The following RP1 variants were observed in gnomAD, a reference collection of about 807,000 sequenced individuals.
RP1 encodes the protein RP1 axonemal microtubule associated.
A neutral mutation model predicts 14.8 loss-of-function variants in RP1; 16 were observed. The ratio of observed to expected loss-of-function variants is 1.08; its 90% CI spans 0.73 to 1.65. The LOEUF is 1.65. RP1 is among the 40% of genes most tolerant of loss of function. The probability of loss-of-function intolerance (pLI) is 0.00; values close to 1 mark genes in which losing one functional copy is unlikely to be tolerated. For missense variants in RP1, 2,631 were observed against 2,535.0 expected, an observed-to-expected ratio of 1.04 and a Z score of -0.81; for synonymous variants, 876 against 883.6, an observed-to-expected ratio of 0.99 and a Z score of 0.15.
intron 1 of RP1, among the ~76,000 whole-genome samples, chr8:54,564,412 T>C (rs1322246721): frequency 2.0e-5 from 3 of 152,148 alleles, no homozygotes; most frequent in African/African-American, 7.2e-5. Flanking sequence ...CTCTGTAAAA[T>C]GAAGTTTCCT....
rs189503776 is a variant in RP1, at chr8:54,762,635, T to G, written c.3248+3559T>G. Among the ~76,000 whole-genome samples, 316 of 152,292 alleles carry G rather than the reference T, an allele frequency of 2.1e-3. 1 individual carries two copies. The highest frequency in any genetic ancestry group is 7.1e-3 in the African/African-American group (294 of 41,560). ...TATGAATTAATGCAAATATTTTCAT[T>G]TAGTATTTATATTAGCTTCCTGTGG... On this transcript the variant is annotated intron_variant, in intron 22 of 22. Coordinates refer to the RP1 transcript ENST00000636932.
At chr8:54,607,150 C>T (rs985786801) in intron 1 of RP1, among the ~76,000 whole-genome samples, 3 of 152,102 alleles carry the variant, frequency 2.0e-5, no homozygotes, top group Non-Finnish European at 2.9e-5. Flanking sequence ...TTTTTCTGCT[C>T]TGTTTTTTCC....
chr8:54,680,540 T>C (rs1222110976), intron 12 of RP1, among the ~76,000 whole-genome samples: 2 of 152,226 alleles, frequency 1.3e-5, no homozygotes, highest in Non-Finnish European at 2.9e-5. Context: ...TTTACTATGC[T>C]GGAAACCGTG....
chr8:54,806,071 T>A (rs781076684), intron 24 of RP1, among the ~76,000 whole-genome samples: 23 of 152,088 alleles, frequency 1.5e-4, no homozygotes, highest in Non-Finnish European at 3.2e-4. Context: ...CAGGCTGGAG[T>A]GCAGTGGTGC....
At chr8:54,734,524 T>C (rs950025199) in intron 17 of RP1, 1 of 1,525,466 alleles carries the variant, frequency 6.6e-7, no homozygotes, top group African/African-American at 1.4e-5. Flanking sequence ...GATCTGCCAC[T>C]AATGCTTTTT....
intron 22 of RP1, among the ~76,000 whole-genome samples, chr8:54,768,559 T>C (rs1042127300): frequency 1.3e-5 from 2 of 152,194 alleles, no homozygotes; most frequent in Non-Finnish European, 2.9e-5. Flanking sequence ...GTGTGTGGGA[T>C]AGCAATAACC....
chr8:54,721,704 T>G (rs1271485764), intron 16 of RP1, among the ~76,000 whole-genome samples: 1 of 152,182 alleles, frequency 6.6e-6, no homozygotes, highest in African/African-American at 2.4e-5. Flanking sequence ...TATGTTTTCT[T>G]CTCTATTTAC....
At chr8:54,724,587 T>A (rs537955863) in intron 16 of RP1, among the ~76,000 whole-genome samples, 11 of 152,230 alleles carry the variant, frequency 7.2e-5, no homozygotes, top group South Asian at 4.1e-4. Flanking sequence ...CTTTTTTTTT[T>A]AAATTGTAAA....
At chr8:54,853,327 G>T (rs1215928924) in intron 26 of RP1, among the ~76,000 whole-genome samples, 1 of 152,138 alleles carries the variant, frequency 6.6e-6, no homozygotes, top group Admixed American at 6.5e-5. Context: ...AGTGATCCCA[G>T]GAAGCAGCAG....
chr8:54,712,608 C>A (rs923743238), intron 15 of RP1, among the ~76,000 whole-genome samples: 7 of 152,196 alleles, frequency 4.6e-5, no homozygotes, highest in African/African-American at 1.7e-4. Context: ...AACCTTTACT[C>A]TGGTACTTTT....
chr8:54,673,584 A>G (rs1368007189), intron 7 of RP1, among the ~76,000 whole-genome samples: 2 of 152,100 alleles, frequency 1.3e-5, no homozygotes, highest in Non-Finnish European at 2.9e-5. Flanking sequence ...TACAAAAAAC[A>G]CAAAAATTAT....
chr8:54,574,480 A>G (rs568277646), intron 1 of RP1, among the ~76,000 whole-genome samples: 95 of 152,206 alleles, frequency 6.2e-4, no homozygotes, highest in African/African-American at 1.9e-3. Context: ...GGGAGATGGC[A>G]TTCCGAGCAG....
intron 1 of RP1, among the ~76,000 whole-genome samples, chr8:54,583,194 G>C (rs1215190065): frequency 6.6e-6 from 1 of 152,144 alleles, no homozygotes; most frequent in African/African-American, 2.4e-5. Flanking sequence ...AATTTATTGA[G>C]AGTTTTTAGC....
intron 27 of RP1, among the ~76,000 whole-genome samples, chr8:54,863,478 T>C (rs1812396119): frequency 6.6e-6 from 1 of 152,218 alleles, no homozygotes; most frequent in Non-Finnish European, 1.5e-5. Context: ...CACATACATA[T>C]ATTTTAAGTC....
At chr8:54,674,572 T>C (rs1807252798) in intron 8 of RP1, among the ~76,000 whole-genome samples, 1 of 149,516 alleles carries the variant, frequency 6.7e-6, no homozygotes, top group African/African-American at 2.5e-5. Context: ...AACTTTCTTA[T>C]TAAAAAGTGT....
chr8:54,602,960 G>A (rs1237818036), intron 1 of RP1, among the ~76,000 whole-genome samples: 1 of 152,104 alleles, frequency 6.6e-6, no homozygotes, highest in Non-Finnish European at 1.5e-5. Flanking sequence ...TGAGTAGATG[G>A]CAAAAATTTT....
In RP1 at chr8:54,630,378, T is replaced by G; in HGVS notation, c.*25T>G. Reference sequence around the variant, plus strand: ...ATTTCAATATCAGCACACTCATTCTTTGTCAATTCATTTTTTCCCATGAGA... The same window carrying G: ...ATTTCAATATCAGCACACTCATTCTGTGTCAATTCATTTTTTCCCATGAGA... On this transcript the variant is annotated 3_prime_UTR_variant, in exon 4 of 4. Transcript: ENST00000220676. 2.5e-6 allele frequency: 4 copies of G among 1,612,490 alleles called. No individual in the cohort carries two copies. Among genetic ancestry groups the G allele is most frequent in the Non-Finnish European group, 3.4e-6 (4 of 1,179,158 alleles).
At chr8:54,713,254 A>G (rs1316812160) in intron 15 of RP1, among the ~76,000 whole-genome samples, 1 of 152,218 alleles carries the variant, frequency 6.6e-6, no homozygotes, top group Non-Finnish European at 1.5e-5. Context: ...ATCTTGTATA[A>G]GTAAATCACC....
Position 54,629,603 on chromosome 8 carries a change from G to C in RP1, c.5721G>C (p.Leu1907Phe), listed in dbSNP as rs867535279. The change falls in exon 4 of 4, where the codon TTG (leucine) becomes TTC (phenylalanine). Residue 1907 changes from leucine (L) to phenylalanine (F), a missense_variant. Physicochemically the swap from Leu to Phe is conservative, Grantham distance 22 (BLOSUM62 0). Transcript: ENST00000220676. The stretch of plus-strand genomic sequence containing the variant: ...GTACACTTCAGGAAGCTGACTCTTT[G>C]GATAAACTGTATGCTCTTTGTGGTC... ...IHGTLQEADS[L>F]DKLYALCGQH... 1 of 1,613,846 alleles carries C rather than the reference G, an allele frequency of 6.2e-7. No homozygotes were observed. The highest frequency in any genetic ancestry group is 1.1e-5 in the South Asian group (1 of 91,068).
Sources: gnomAD v4.1 joint callset for allele counts (sites outside exome capture counted in the v4.1 genomes callset) on GRCh38, gnomAD v4.1.1 for gene constraint, MANE v1.5 for transcripts, NCBI Gene and HGNC (gene_info 2026-07-23, HGNC 2026-07-21) for gene names.